Variants in NCOA2 observed in about 807,000 individuals in gnomAD.
NCOA2 encodes nuclear receptor coactivator 2.
NCOA2 carries 21 observed loss-of-function variants against 145.1 expected under a neutral mutation model. The observed-to-expected ratio is 0.14, with a 90% confidence interval of 0.10 to 0.21. The LOEUF is 0.21. Ranked by LOEUF, NCOA2 falls within the 10% of genes least tolerant of loss-of-function variation. The pLI, the probability that NCOA2 is intolerant of heterozygous loss-of-function variation, is 1.00. For synonymous variants in NCOA2, 619 were observed against 637.5 expected, an observed-to-expected ratio of 0.97 and a Z score of 0.44; for missense variants, 1,472 against 1,837.6, an observed-to-expected ratio of 0.80 and a Z score of 3.64.
At chr8:70,205,484 C>T (rs1818339673) in intron 4 of NCOA2, among the ~76,000 whole-genome samples, 1 of 152,196 alleles carries the variant, frequency 6.6e-6, no homozygotes, top group East Asian at 1.9e-4. Flanking sequence ...CCCCTTGCCA[C>T]TGGACCTTCT....
chr8:70,295,706 C>T (rs994271966), intron 2 of NCOA2, among the ~76,000 whole-genome samples: 1 of 152,088 alleles, frequency 6.6e-6, no homozygotes, highest in Non-Finnish European at 1.5e-5. Context: ...CTTTGGGAGG[C>T]CGAGGCAGGC....
chr8:70,237,245 C>T (rs1027589556), intron 2 of NCOA2, among the ~76,000 whole-genome samples: 3 of 152,232 alleles, frequency 2.0e-5, no homozygotes, highest in Admixed American at 1.3e-4. Context: ...ATCCAAGTAA[C>T]ATGACTAAGG....
chr8:70,436,296 T>A, the NCOA2 span, among the ~76,000 whole-genome samples: 3 of 152,172 alleles, frequency 2.0e-5, no homozygotes, highest in Non-Finnish European at 4.4e-5. Context: ...AATTTTAAAA[T>A]TTTTTCCAAA....
intron 1 of NCOA2, among the ~76,000 whole-genome samples, chr8:70,366,267 G>C (rs1211176953): frequency 6.6e-6 from 1 of 152,138 alleles, no homozygotes; most frequent in Non-Finnish European, 1.5e-5. Flanking sequence ...ATGTGGATTT[G>C]AGAAAAGGAC....
At chr8:70,428,555 T>A in the NCOA2 span, among the ~76,000 whole-genome samples, 1 of 152,038 alleles carries the variant, frequency 6.6e-6, no homozygotes, top group Non-Finnish European at 1.5e-5. Context: ...GCCCAGGAGG[T>A]CAAGGCTGCG....
intron 2 of NCOA2, among the ~76,000 whole-genome samples, chr8:70,248,754 G>A (rs977958638): frequency 8.2e-5 from 6 of 73,268 alleles, no homozygotes; most frequent in Non-Finnish European, 2.2e-4. Context: ...ATAATGACAG[G>A]GGAAAAAAGT....
intron 2 of NCOA2, among the ~76,000 whole-genome samples, chr8:70,266,449 T>G (rs114764032): frequency 6.6e-6 from 1 of 152,230 alleles, no homozygotes; most frequent in East Asian, 1.9e-4. Flanking sequence ...TAATCTAGCA[T>G]GTAAAGGTCT....
chr8:70,264,298 G>A (rs1164582480), intron 2 of NCOA2, among the ~76,000 whole-genome samples: 3 of 151,748 alleles, frequency 2.0e-5, no homozygotes, highest in Non-Finnish European at 2.9e-5. Flanking sequence ...CAGGAGGATC[G>A]CCTGAGGCCA....
chr8:70,160,034 C>A (rs536851116), intron 9 of NCOA2, among the ~76,000 whole-genome samples: 1 of 152,216 alleles, frequency 6.6e-6, no homozygotes, highest in East Asian at 1.9e-4. Flanking sequence ...GTATCTCTTA[C>A]GTATACAATA....
chr8:70,154,214 C>G (rs1392459889), intron 11 of NCOA2, among the ~76,000 whole-genome samples: 1 of 152,154 alleles, frequency 6.6e-6, no homozygotes, highest in Non-Finnish European at 1.5e-5. Flanking sequence ...AAGGACAAAC[C>G]TTGAGTCATT....
chr8:70,372,414 G>A (rs574017576), intron 1 of NCOA2, among the ~76,000 whole-genome samples: 158 of 152,256 alleles, frequency 1.0e-3, no homozygotes, highest in African/African-American at 3.6e-3. Flanking sequence ...AACTGAGCAC[G>A]CATAGCCAGC....
At chr8:70,226,886 T>C (rs750859293) in intron 2 of NCOA2, among the ~76,000 whole-genome samples, 1 of 152,142 alleles carries the variant, frequency 6.6e-6, no homozygotes, top group Non-Finnish European at 1.5e-5. Flanking sequence ...TTACTAAAAT[T>C]GCCCTTCTAT....
At chr8:70,267,081 T>C (rs543015475) in intron 2 of NCOA2, among the ~76,000 whole-genome samples, 3 of 152,320 alleles carry the variant, frequency 2.0e-5, no homozygotes, top group South Asian at 4.1e-4. Flanking sequence ...GATGTATATA[T>C]ACATCTATAC....
At chr8:70,135,495 A>G (rs1326349486) in intron 15 of NCOA2, among the ~76,000 whole-genome samples, 1 of 152,134 alleles carries the variant, frequency 6.6e-6, no homozygotes, top group Non-Finnish European at 1.5e-5. Flanking sequence ...CCACTTTTAT[A>G]TTCAGAAATA....
chr8:70,123,811 G>T, intron 21 of NCOA2, 73 bp downstream of exon 21: 2 of 1,302,942 alleles, frequency 1.5e-6, no homozygotes, highest in Non-Finnish European at 2.1e-6. Flanking sequence ...TACATGGAAA[G>T]ATATATTTGA....
intron 18 of NCOA2, 140 bp from the exon 19 acceptor site, chr8:70,127,187 C>T (rs1048711255): frequency 3.1e-6 from 2 of 640,962 alleles, no homozygotes; most frequent in Admixed American, 2.5e-5. Context: ...AAAGGAATGA[C>T]TCAGAGTTGA....
At chr8:70,247,401 C>A in intron 2 of NCOA2, among the ~76,000 whole-genome samples, 1 of 151,800 alleles carries the variant, frequency 6.6e-6, no homozygotes, top group East Asian at 1.9e-4. Flanking sequence ...TGCTAAAGAA[C>A]CTTTAAAAGT....
rs117200953 is a variant in NCOA2, at chr8:70,240,922, G to C, written c.-19-24158C>G. Among the ~76,000 whole-genome samples the C allele has an allele frequency of 9.9e-3, 1,511 of 152,238 alleles. 13 individuals carry two copies. The highest frequency in any genetic ancestry group is 0.014 in the Non-Finnish European group (984 of 68,026). ...GGAGAATCAATGCTATTACATTAAA[G>C]GTAGAATATGGGACTAGGTGAGAAT... On this transcript the variant is annotated intron_variant, in intron 2 of 22. Coordinates refer to ENST00000452400, the MANE Select transcript of NCOA2 (RefSeq NM_006540.4).
chr8:70,238,775 G>A (rs545713319), intron 2 of NCOA2, among the ~76,000 whole-genome samples: 3 of 152,202 alleles, frequency 2.0e-5, no homozygotes, highest in South Asian at 2.1e-4. Flanking sequence ...CACCCAAACC[G>A]TTCTCAGCAG....
Sources: allele counts gnomAD v4.1 joint callset (sites outside exome capture counted in the v4.1 genomes callset), GRCh38; gene constraint gnomAD v4.1.1; transcripts MANE v1.5; gene names NCBI Gene and HGNC (gene_info 2026-07-23, HGNC 2026-07-21).